RAB22A: variants seen among roughly 807,000 people sequenced by gnomAD.
RAB22A encodes ras-related protein Rab-22A.
A neutral mutation model predicts 30.2 loss-of-function variants in RAB22A; 13 were observed. The observed-to-expected ratio is 0.43, with a 90% CI of 0.28 to 0.68. The LOEUF (loss-of-function observed/expected upper bound fraction) is 0.68, where lower values mean the gene tolerates loss of function less well. RAB22A is among the 30% of genes least tolerant of loss of function. The pLI, the probability that RAB22A is intolerant of heterozygous loss-of-function variation, is 0.18. For synonymous variants in RAB22A, 89 were observed against 87.2 expected (o/e 1.02, Z -0.11); for missense variants, 177 against 246.8 (o/e 0.72, Z 1.89).
chr20:58,334,595 T>C (rs2122948334), intron 2 of RAB22A, among the ~76,000 whole-genome samples: 1 of 152,216 alleles, frequency 6.6e-6, no homozygotes, highest in East Asian at 1.9e-4. Flanking sequence ...AACCTTCTGG[T>C]CATTGGAGAT....
At chr20:58,334,977 G>T (rs1356900367) in intron 2 of RAB22A, among the ~76,000 whole-genome samples, 1 of 152,110 alleles carries the variant, frequency 6.6e-6, no homozygotes, top group East Asian at 1.9e-4. Context: ...AATGTTTATA[G>T]CAGGCTTGTT....
chr20:58,365,097 A>C lies in RAB22A; in HGVS notation c.*5394A>C, dbSNP rs6026220. The C allele has an allele frequency of 0.55, 83,006 of 152,056 alleles. 23,927 individuals carry two copies. The highest frequency in any genetic ancestry group is 0.73 in the African/African-American group (30,385 of 41,466). 9.4% of individuals were successfully genotyped at this position (152,056 alleles called of 1,614,324 possible). On this transcript the variant is annotated 3_prime_UTR_variant, in exon 7 of 7. Coordinates refer to ENST00000244040, the MANE Select transcript of RAB22A (RefSeq NM_020673.3). ...GTTTTAAGCTGTAGACATTAATATT[A>C]TAACAAACAAAACATGCCAGTTTTA...
chr20:58,325,903 C>T (rs1986562041), intron 2 of RAB22A, among the ~76,000 whole-genome samples: 1 of 152,108 alleles, frequency 6.6e-6, no homozygotes, highest in Non-Finnish European at 1.5e-5. Flanking sequence ...GGGTTTTTGG[C>T]CTACCTGCCT....
At chr20:58,314,052 T>C (rs762539841) in intron 2 of RAB22A, among the ~76,000 whole-genome samples, 31 of 105,656 alleles carry the variant, frequency 2.9e-4, no homozygotes, top group Non-Finnish European at 5.0e-4. Flanking sequence ...TTATTCTTTT[T>C]CTTTTTTTTT....
rs952014601 is a variant in RAB22A at position 58,365,924 on chromosome 20, A to G, written c.*6221A>G. 1 of 152,242 alleles carries G rather than the reference A, an allele frequency of 6.6e-6. No homozygotes were observed. Among genetic ancestry groups the G allele is most frequent in the Middle Eastern group, 3.2e-3 (1 of 316 alleles). 9.4% of individuals were successfully genotyped at this position (152,242 alleles called of 1,614,324 possible). Reference sequence around the variant, plus strand: ...ACGATCCGCCCGCCTCGGCCTCCCAAAGTGCTGGGATTACAGGCGTGAGTG... The same window carrying G: ...ACGATCCGCCCGCCTCGGCCTCCCAGAGTGCTGGGATTACAGGCGTGAGTG... On this transcript the variant is annotated 3_prime_UTR_variant, in exon 7 of 7. Coordinates refer to ENST00000244040, the MANE Select transcript of RAB22A (RefSeq NM_020673.3).
Position 58,365,224 on chromosome 20 carries a change from A to G in RAB22A, c.*5521A>G, listed in dbSNP as rs1028557652. 6.6e-6 allele frequency: 1 copy of G among 152,230 alleles called. No homozygotes were observed. The highest frequency in any genetic ancestry group is 1.5e-5 in the Non-Finnish European group (1 of 68,044). 9.4% of individuals were successfully genotyped at this position (152,230 alleles called of 1,614,324 possible). ...TCATCCTTAAAATAGCATTTCACAC[A>G]TAGGGCCAAAATTGAAATTGTCAAG... On this transcript the variant is annotated 3_prime_UTR_variant, in exon 7 of 7. Transcript: ENST00000244040.
intron 5 of RAB22A, 135 bp from the exon 6 acceptor site, chr20:58,354,021 C>T (rs1987095096): frequency 1.7e-6 from 1 of 575,646 alleles, no homozygotes. Flanking sequence ...ATCGAGAAGA[C>T]CATGTCTCAG....
rs1021845184 is a variant in RAB22A at position 58,363,864 on chromosome 20, T to G, written c.*4161T>G. 6.6e-6 allele frequency: 1 copy of G among 152,348 alleles called. No individual in the cohort carries two copies. The highest frequency in any genetic ancestry group is 1.5e-5 in the Non-Finnish European group (1 of 68,042). The allele number at this position is 152,348 out of a possible 1,614,324, so 9.4% of individuals were successfully genotyped here. A position where few individuals can be genotyped will look rare whatever the true frequency, so the allele number is the denominator to read the frequency against. On this transcript the variant is annotated 3_prime_UTR_variant, in exon 7 of 7. Coordinates refer to ENST00000244040, the MANE Select transcript of RAB22A (RefSeq NM_020673.3). The stretch of plus-strand genomic sequence containing the variant: ...AAAAAAAATAGTCTAAGAAACAAAT[T>G]TATCCATGAGATAAACATCATATTT...
intron 2 of RAB22A, 33 bp downstream of exon 2, chr20:58,311,155 G>A (rs752744598): frequency 5.2e-6 from 8 of 1,524,526 alleles, no homozygotes; most frequent in Non-Finnish European, 7.3e-6. Flanking sequence ...ACATCTAAAG[G>A]TGCATTGAAA....
At position 58,322,928 on chromosome 20, in the gene RAB22A, A is replaced by G. The variant is rs549237214; in HGVS notation, c.116+11806A>G. Among the ~76,000 whole-genome samples, 8 of 152,294 alleles carry G rather than the reference A, an allele frequency of 5.3e-5. No homozygotes were observed. In the East Asian group the frequency reaches 5.8e-4, roughly 11 times the overall value. On this transcript the variant is annotated intron_variant, in intron 2 of 6. Coordinates refer to ENST00000244040, the MANE Select transcript of RAB22A (RefSeq NM_020673.3). ...GAATTTTCTGTGTTGTTCTTCAGCA[A>G]TGTCTTGGCTGTTCTTGACCTGTTT...
Position 58,310,052 on chromosome 20 carries a change from C to A in RAB22A, c.36+40C>A, listed in dbSNP as rs933304813. On this transcript the variant is annotated intron_variant, in intron 1 of 6. Transcript: ENST00000244040. ...GTCCGGCCGGGAGGGCCACGGGAGGCTGGGCTGGCGGGGACCCCGGATCCC... is the reference window on the plus strand; with the variant it reads ...GTCCGGCCGGGAGGGCCACGGGAGGATGGGCTGGCGGGGACCCCGGATCCC... 8 of 1,259,770 alleles carry A rather than the reference C, an allele frequency of 6.4e-6. No homozygotes were observed. The African/African-American group carries it at 1.2e-4, about 19-fold the overall frequency. 78.0% of individuals were successfully genotyped at this position (1,259,770 alleles called of 1,614,324 possible). A position where few individuals can be genotyped will look rare whatever the true frequency, so the allele number is the denominator to read the frequency against.
chr20:58,312,813 G>A (rs1986258974), intron 2 of RAB22A, among the ~76,000 whole-genome samples: 1 of 152,026 alleles, frequency 6.6e-6, no homozygotes, highest in African/African-American at 2.4e-5. Context: ...TTTAAACCCT[G>A]TGGGTCTCCT....
rs1435066061 is a variant in RAB22A at position 58,363,680 on chromosome 20, A to C, written c.*3977A>C. The C allele has an allele frequency of 6.6e-6, 1 of 152,230 alleles. No homozygotes were observed. Among genetic ancestry groups the C allele is most frequent in the African/African-American group, 2.4e-5 (1 of 41,464 alleles). 9.4% of individuals were successfully genotyped at this position (152,230 alleles called of 1,614,324 possible). ...TCAAGAGTTTTTCTACCTCTTTAACAGTTAATATTTTTTAAAGGAAGAAAT... is the reference window on the plus strand; with the variant it reads ...TCAAGAGTTTTTCTACCTCTTTAACCGTTAATATTTTTTAAAGGAAGAAAT... On this transcript the variant is annotated 3_prime_UTR_variant, in exon 7 of 7. Coordinates refer to ENST00000244040, the MANE Select transcript of RAB22A (RefSeq NM_020673.3).
intron 6 of RAB22A, among the ~76,000 whole-genome samples, chr20:58,359,298 T>C (rs1403573212): frequency 1.3e-5 from 2 of 152,152 alleles, no homozygotes; most frequent in Non-Finnish European, 2.9e-5. Flanking sequence ...AAGCAGGACA[T>C]GTAGAAAAAC....
chr20:58,340,766 G>A (rs1986841877), intron 2 of RAB22A, among the ~76,000 whole-genome samples: 1 of 152,216 alleles, frequency 6.6e-6, no homozygotes, highest in Non-Finnish European at 1.5e-5. Flanking sequence ...AAGACAAAGT[G>A]CAGTGGTGAG....
At chr20:58,351,587 G>A (rs1210363336) in intron 3 of RAB22A, among the ~76,000 whole-genome samples, 1 of 152,234 alleles carries the variant, frequency 6.6e-6, no homozygotes, top group African/African-American at 2.4e-5. Flanking sequence ...GCCGAGGCAG[G>A]TGGATCACCT....
At position 58,359,793 on chromosome 20, in the gene RAB22A, A is replaced by C. The variant is rs1248237873; in HGVS notation, c.*90A>C. On this transcript the variant is annotated 3_prime_UTR_variant, in exon 7 of 7. Coordinates refer to ENST00000244040, the MANE Select transcript of RAB22A (RefSeq NM_020673.3). ...GGGTCCCTGCCACCAGTTTTCACCT[A>C]GCCAGTCTTGAGTCTTCTCCGTGCA... 1 of 1,195,602 alleles carries C rather than the reference A, an allele frequency of 8.4e-7. No individual in the cohort carries two copies. Among genetic ancestry groups the C allele is most frequent in the Non-Finnish European group, 1.2e-6 (1 of 834,042 alleles). The allele number at this position is 1,195,602 out of a possible 1,614,324, so 74.1% of individuals were successfully genotyped here. A position where few individuals can be genotyped will look rare whatever the true frequency, so the allele number is the denominator to read the frequency against.
chr20:58,312,386 G>A (rs767969941), intron 2 of RAB22A, among the ~76,000 whole-genome samples: 15 of 145,938 alleles, frequency 1.0e-4, no homozygotes, highest in Non-Finnish European at 1.8e-4. Context: ...AGGTAGCTGA[G>A]ATCACAGATG....
Position 58,353,429 on chromosome 20 carries a change from C to T in RAB22A, c.271-3C>T. The T allele has an allele frequency of 2.5e-6, 4 of 1,611,880 alleles. No individual in the cohort carries two copies. In the South Asian group the frequency reaches 4.4e-5, roughly 18 times the overall value. ...CAGTTGCTCTCTTTTTTGTGTGTTA[C>T]AGGAGACATTTTCAACATTAAAGAA... is the stretch of plus-strand genomic sequence containing the variant. On this transcript the variant is annotated splice_polypyrimidine_tract_variant and splice_region_variant and intron_variant, in intron 4 of 6. Transcript: ENST00000244040.
Sources: allele counts gnomAD v4.1 joint callset (sites outside exome capture counted in the v4.1 genomes callset), GRCh38; gene constraint gnomAD v4.1.1; transcripts MANE v1.5; gene names NCBI Gene and HGNC (gene_info 2026-07-23, HGNC 2026-07-21).